The following SPINK5 variants were observed in gnomAD, a reference collection of about 807,000 sequenced individuals.
The protein encoded by SPINK5 is serine peptidase inhibitor Kazal type 5.
In SPINK5, 125 loss-of-function variants were observed where a neutral mutation model predicts 151.8. The observed-to-expected ratio is 0.82, with a 90% CI of 0.71 to 0.96. The LOEUF is 0.96. Ranked by LOEUF, SPINK5 falls within the 40% of genes least tolerant of loss-of-function variation. The pLI is 0.00. For missense variants in SPINK5, 1,194 were observed against 1,291.9 expected (o/e 0.92, Z 1.16); for synonymous variants, 374 against 395.3 (o/e 0.95, Z 0.64).
At chr5:148,077,972 A>G (rs1345769573) in intron 4 of SPINK5, among the ~76,000 whole-genome samples, 1 of 151,146 alleles carries the variant, frequency 6.6e-6, no homozygotes, top group Admixed American at 6.6e-5. Flanking sequence ...AAAAGTGATT[A>G]TATTAAACAT....
chr5:148,076,297 C>T (rs1321793846), intron 4 of SPINK5, among the ~76,000 whole-genome samples: 1 of 151,660 alleles, frequency 6.6e-6, no homozygotes, highest in Non-Finnish European at 1.5e-5. Context: ...TAAAAAATAA[C>T]CATGATAGAA....
chr5:148,123,738 C>A (rs897366827), intron 26 of SPINK5, 95 bp from the exon 27 acceptor site: 1 of 1,545,134 alleles, frequency 6.5e-7, no homozygotes, highest in Non-Finnish European at 8.9e-7. Context: ...TGTTTTTTTC[C>A]TGTGTTATGA....
chr5:148,085,518 T>G (rs543066987), intron 4 of SPINK5, among the ~76,000 whole-genome samples: 2 of 152,080 alleles, frequency 1.3e-5, no homozygotes, highest in South Asian at 2.1e-4. Flanking sequence ...TGATCCTTAT[T>G]GCAAATCTGG....
At chr5:148,089,262 T>G in intron 6 of SPINK5, 1 of 590,412 alleles carries the variant, frequency 1.7e-6, no homozygotes. Context: ...CTGTCTGAGT[T>G]CTGGCACATA....
intron 2 of SPINK5, 106 bp from the exon 3 acceptor site, chr5:148,070,217 G>A (rs1561672382): frequency 2.3e-6 from 3 of 1,326,372 alleles, no homozygotes; most frequent in South Asian, 2.6e-5. Context: ...TTGGAATTGT[G>A]TGTGTATATA....
chr5:148,091,281 A>G (rs368355202), intron 8 of SPINK5, 53 bp downstream of exon 8: 129 of 1,425,184 alleles, frequency 9.1e-5, no homozygotes, highest in African/African-American at 7.1e-4. Context: ...TTATTAACAA[A>G]TGTATGCCTA....
chr5:148,117,215 G>GT (rs1185477967), intron 22 of SPINK5, among the ~76,000 whole-genome samples: 3 of 152,052 alleles, frequency 2.0e-5, no homozygotes, highest in Non-Finnish European at 4.4e-5. Context: ...TGGCTATTCT[G>GT]TTTTTTTCCC....
chr5:148,108,990 T>G (rs565213473), intron 18 of SPINK5, among the ~76,000 whole-genome samples, 153 bp downstream of exon 18: 1 of 152,276 alleles, frequency 6.6e-6, no homozygotes, highest in South Asian at 2.1e-4. Flanking sequence ...GTACTCCCCT[T>G]TCCTTATTCA....
chr5:148,089,101 A>C (rs538317161), intron 6 of SPINK5: 1 of 462,268 alleles, frequency 2.2e-6, no homozygotes, highest in South Asian at 1.5e-5. Context: ...CAGGTGAATG[A>C]TTTTCCTAAT....
intron 9 of SPINK5, among the ~76,000 whole-genome samples, chr5:148,095,107 C>T (rs1017656785): frequency 2.0e-5 from 3 of 151,908 alleles, no homozygotes; most frequent in Non-Finnish European, 2.9e-5. Flanking sequence ...GATTACATTT[C>T]AGATTATCTT....
At chr5:148,105,184 C>T (rs1023744616) in intron 16 of SPINK5, among the ~76,000 whole-genome samples, 184 bp downstream of exon 16, 1 of 152,174 alleles carries the variant, frequency 6.6e-6, no homozygotes, top group African/African-American at 2.4e-5. Context: ...TTTTATTTCA[C>T]AATTATTCAA....
chr5:148,105,024 G>A (rs1360447567), intron 16 of SPINK5, 24 bp downstream of exon 16: 1 of 1,610,810 alleles, frequency 6.2e-7, no homozygotes, highest in South Asian at 1.1e-5. Context: ...GAATGCTGAT[G>A]CTGTGCCCTG....
intron 7 of SPINK5, 74 bp from the exon 8 acceptor site, chr5:148,091,091 G>C (rs1753295928): frequency 7.8e-7 from 1 of 1,280,276 alleles, no homozygotes; most frequent in Non-Finnish European, 1.1e-6. Context: ...ATATGAAAGT[G>C]TTTAGCACAG....
At chr5:148,123,521 GTATATATATATATA>G (rs1159209367) in intron 26 of SPINK5, among the ~76,000 whole-genome samples, 297 of 25,012 alleles carry the variant, frequency 0.012, 12 homozygotes, top group African/African-American at 0.022. Flanking sequence ...CAATATATGT[GTATATATATATATA>G]TATATATATA....
chr5:148,088,041 TTTC>T (rs2113060481), intron 5 of SPINK5, among the ~76,000 whole-genome samples: 1 of 151,970 alleles, frequency 6.6e-6, no homozygotes, highest in African/African-American at 2.4e-5. Context: ...GGTTCTGTGT[TTTC>T]AGATATACTT....
chr5:148,065,113 A>T (rs565070515), intron 1 of SPINK5, among the ~76,000 whole-genome samples: 3 of 152,158 alleles, frequency 2.0e-5, no homozygotes, highest in African/African-American at 7.2e-5. Flanking sequence ...ATTATTTTCC[A>T]AAGTAATTGT....
At chr5:148,065,935 A>C (rs1346007443) in intron 2 of SPINK5, among the ~76,000 whole-genome samples, 1 of 152,184 alleles carries the variant, frequency 6.6e-6, no homozygotes, top group African/African-American at 2.4e-5. Context: ...AGACAAATTA[A>C]TAAGTAGCTT....
rs764427871 is a variant in SPINK5 at position 148,127,084 on chromosome 5, G to A, written c.2964+5G>A. ...CCAGACTCTTTCAGTTCTCTGGTAA[G>A]GAGGACTATTTCTGAAAAGCTACTT... On this transcript the variant is annotated splice_donor_5th_base_variant and intron_variant, in intron 30 of 32. Coordinates refer to ENST00000256084, the MANE Select transcript of SPINK5 (RefSeq NM_006846.4). The A allele has an allele frequency of 6.2e-7, 1 of 1,606,618 alleles. No homozygotes were observed. The highest frequency in any genetic ancestry group is 1.1e-5 in the South Asian group (1 of 90,482).
At position 148,120,040 on chromosome 5, in the gene SPINK5, A is replaced by G. The variant is rs762658428; in HGVS notation, c.2345A>G (p.Lys782Arg). 5 of 1,614,072 alleles carry G rather than the reference A, an allele frequency of 3.1e-6. No homozygotes were observed. Among genetic ancestry groups the G allele is most frequent in the Non-Finnish European group, 4.2e-6 (5 of 1,179,922 alleles). The change falls in exon 25 of 33, where the codon AAA becomes AGA. Residue 782 changes from lysine to arginine, a missense_variant. Transcript: ENST00000256084. Reference protein sequence around the residue: ...DTCDEFRSQMKNGKLICTRES... With the variant: ...DTCDEFRSQMRNGKLICTRES... ...TGTGATGAGTTTAGAAGCCAAATGA[A>G]AAATGGAAAACTCATCTGCACTCGA... is the stretch of plus-strand genomic sequence containing the variant.
Sources: allele counts gnomAD v4.1 joint callset (sites outside exome capture counted in the v4.1 genomes callset), GRCh38; gene constraint gnomAD v4.1.1; transcripts MANE v1.5; gene names NCBI Gene and HGNC (gene_info 2026-07-23, HGNC 2026-07-21).